HPCAL1: variants seen among roughly 807,000 people sequenced by gnomAD.
HPCAL1 encodes hippocalcin-like protein 1.
In HPCAL1, 8 loss-of-function variants were observed where a neutral mutation model predicts 17.1. The observed-to-expected ratio is 0.47, with a 90% CI of 0.27 to 0.84. The LOEUF (loss-of-function observed/expected upper bound fraction) is 0.84, where lower values mean the gene tolerates loss of function less well. Ranked by LOEUF, HPCAL1 falls within the 40% of genes least tolerant of loss-of-function variation. The pLI, the probability that HPCAL1 is intolerant of heterozygous loss-of-function variation, is 0.13. For missense variants in HPCAL1, 165 were observed against 271.1 expected (o/e 0.61, Z 2.75); for synonymous variants, 112 against 111.4 (o/e 1.01, Z -0.03).
chr2:10,307,071 G>A (rs1662673067), intron 1 of HPCAL1, among the ~76,000 whole-genome samples: 1 of 152,208 alleles, frequency 6.6e-6, no homozygotes, highest in Admixed American at 6.5e-5. Context: ...CAAGTTGGCA[G>A]GAAGCCAGGA....
intron 1 of HPCAL1, among the ~76,000 whole-genome samples, chr2:10,391,070 C>A (rs770497472): frequency 6.6e-6 from 1 of 152,222 alleles, no homozygotes; most frequent in Non-Finnish European, 1.5e-5. Context: ...CCCACTGGGC[C>A]ATGGGCTTCT....
intron 1 of HPCAL1, among the ~76,000 whole-genome samples, chr2:10,349,739 A>AAAAAAAAAG (rs1665721525): frequency 7.2e-6 from 1 of 139,652 alleles, no homozygotes; most frequent in African/African-American, 2.6e-5. Context: ...AAAAAAAAAA[A>AAAAAAAAAG]GATATAGACA....
intron 1 of HPCAL1, among the ~76,000 whole-genome samples, chr2:10,327,676 A>G (rs1218296991): frequency 6.6e-6 from 1 of 152,104 alleles, no homozygotes; most frequent in East Asian, 1.9e-4. Flanking sequence ...TTATTTTAAG[A>G]CTAGGTTGGG....
intron 1 of HPCAL1, among the ~76,000 whole-genome samples, chr2:10,358,651 C>T (rs1666333600): frequency 6.6e-6 from 1 of 152,182 alleles, no homozygotes; most frequent in Non-Finnish European, 1.5e-5. Context: ...GGGAAGAGCA[C>T]ACAACAGATG....
chr2:10,424,790 C>T (rs982065399), intron 4 of HPCAL1: 7 of 377,344 alleles, frequency 1.9e-5, no homozygotes, highest in African/African-American at 8.4e-5. Context: ...GAGTGGTCCT[C>T]GGCCCTCAAA....
rs1392564268 is a variant in HPCAL1 at position 10,395,112 on chromosome 2, A to AC, written c.-110-1723_-110-1722insC. 1.7e-5 allele frequency among the ~76,000 whole-genome samples: 2 copies of AC among 115,078 alleles called. No homozygotes were observed. Among genetic ancestry groups the AC allele is most frequent in the African/African-American group, 7.0e-5 (2 of 28,666 alleles). 75.5% of individuals were successfully genotyped at this position (115,078 alleles called of 152,430 possible). A position where few individuals can be genotyped will look rare whatever the true frequency, so the allele number is the denominator to read the frequency against. On this transcript the variant is annotated intron_variant, in intron 1 of 4. Transcript: ENST00000307845. The surrounding 1 kb of genome is among the most constrained non-coding windows in gnomAD (Gnocchi z 4.4). ...GTGTCCAGCCTAAAATCTATCTTTA[A>AC]AACACACACACACACACACACACAC...
At chr2:10,424,610 C>T in intron 4 of HPCAL1, 1 of 471,032 alleles carries the variant, frequency 2.1e-6, no homozygotes, top group Non-Finnish European at 4.4e-6. Flanking sequence ...AGGGCATCTT[C>T]TAGGTTGGTT....
chr2:10,319,391 A>G (rs1663526769), intron 1 of HPCAL1, among the ~76,000 whole-genome samples: 2 of 152,164 alleles, frequency 1.3e-5, no homozygotes, highest in African/African-American at 4.8e-5. Flanking sequence ...TCTGCCAGGC[A>G]GGGGAGTAAT....
intron 1 of HPCAL1, among the ~76,000 whole-genome samples, chr2:10,315,664 C>T (rs908763614): frequency 1.3e-5 from 2 of 152,130 alleles, no homozygotes; most frequent in Non-Finnish European, 2.9e-5. Context: ...AAAATTTCTT[C>T]GCTGCACTGA....
intron 1 of HPCAL1, among the ~76,000 whole-genome samples, chr2:10,321,757 C>A (rs916709439): frequency 6.6e-6 from 1 of 152,212 alleles, no homozygotes; most frequent in Admixed American, 6.5e-5. Flanking sequence ...TTACCAAGCA[C>A]AGTGTTTTCA....
intron 2 of HPCAL1, among the ~76,000 whole-genome samples, chr2:10,414,040 G>T (rs567135305): frequency 3.3e-5 from 5 of 152,262 alleles, no homozygotes; most frequent in Admixed American, 6.5e-5. Flanking sequence ...AGGCCAGACC[G>T]CCTGGGTCCA....
intron 1 of HPCAL1, among the ~76,000 whole-genome samples, chr2:10,389,108 C>G (rs762568926): frequency 9.9e-5 from 15 of 152,168 alleles, no homozygotes; most frequent in Non-Finnish European, 5.9e-5. Flanking sequence ...TAAGACGTGC[C>G]CACCAGTGTG....
intron 1 of HPCAL1, among the ~76,000 whole-genome samples, chr2:10,373,645 G>C (rs1667367576): frequency 6.6e-6 from 1 of 152,016 alleles, no homozygotes; most frequent in Middle Eastern, 3.4e-3. Flanking sequence ...TATTCTTGAG[G>C]TGCTGGGGTT....
chr2:10,347,680 T>G (rs891837893), intron 1 of HPCAL1, among the ~76,000 whole-genome samples: 1 of 152,200 alleles, frequency 6.6e-6, no homozygotes, highest in African/African-American at 2.4e-5. Context: ...GCAGCAGCCT[T>G]TCCCATGGCA....
rs1423319916 is a variant in HPCAL1 at position 10,344,159 on chromosome 2, C to T, written c.-111+40982C>T. ...TGAGGACTGCAGTGAACTCATTAAC[C>T]CTACAGCTTTGATCTCGAAGTCTCG... On this transcript the variant is annotated intron_variant, in intron 1 of 4. Coordinates refer to ENST00000307845, the MANE Select transcript of HPCAL1 (RefSeq NM_002149.4). This position sits in a 1 kb window ranked among gnomAD's most constrained non-coding sequence, Gnocchi z 4.9. Among the ~76,000 whole-genome samples the T allele has an allele frequency of 6.6e-6, 1 of 152,168 alleles. No individual in the cohort carries two copies. The highest frequency in any genetic ancestry group is 1.9e-4 in the East Asian group (1 of 5,194).
At chr2:10,423,824 G>T (rs1282808059) in intron 4 of HPCAL1, 1 of 152,714 alleles carries the variant, frequency 6.5e-6, no homozygotes, top group Non-Finnish European at 1.5e-5. Flanking sequence ...TGGGCGCAGT[G>T]GCTCACGCCT....
chr2:10,335,257 C>A (rs916388785), intron 1 of HPCAL1, among the ~76,000 whole-genome samples: 1 of 152,228 alleles, frequency 6.6e-6, no homozygotes, highest in Non-Finnish European at 1.5e-5. Flanking sequence ...AAAAAGACTG[C>A]AGCTGCCAGC....
At chr2:10,350,938 T>C (rs1665806233) in intron 1 of HPCAL1, among the ~76,000 whole-genome samples, 2 of 152,248 alleles carry the variant, frequency 1.3e-5, no homozygotes, top group African/African-American at 4.8e-5. Flanking sequence ...GATGAGGAAA[T>C]GGAGAAGGTG....
intron 2 of HPCAL1, among the ~76,000 whole-genome samples, chr2:10,418,337 GTT>G (rs1670804134): frequency 6.6e-6 from 1 of 150,816 alleles, no homozygotes; most frequent in Admixed American, 6.6e-5. Flanking sequence ...AGGAGGCTGA[GTT>G]GGGAGGATTG....
Sources: allele counts gnomAD v4.1 joint callset (sites outside exome capture counted in the v4.1 genomes callset), GRCh38; gene constraint gnomAD v4.1.1; non-coding constraint Gnocchi (gnomAD v3.1); transcripts MANE v1.5; gene names NCBI Gene and HGNC (gene_info 2026-07-23, HGNC 2026-07-21).